Variants in DCHS1 observed in about 807,000 individuals in gnomAD.
The protein encoded by DCHS1 is dachsous cadherin-related 1, also known as protocadherin-16.
A neutral mutation model predicts 213.9 loss-of-function variants in DCHS1; 78 were observed. The observed-to-expected ratio is 0.36, with a 90% confidence interval of 0.30 to 0.44. The LOEUF (loss-of-function observed/expected upper bound fraction) is 0.44, where lower values mean the gene tolerates loss of function less well. Ranked by LOEUF, DCHS1 falls within the 20% of genes least tolerant of loss-of-function variation. DCHS1 has a pLI of 1.00. For missense variants in DCHS1, 3,946 were observed against 4,395.9 expected (o/e 0.90, Z 2.89); for synonymous variants, 1,828 against 1,873.7 (o/e 0.98, Z 0.63).
intron 1 of DCHS1, among the ~76,000 whole-genome samples, chr11:6,651,293 C>A (rs1382275969): frequency 6.6e-6 from 1 of 152,046 alleles, no homozygotes; most frequent in African/African-American, 2.4e-5. Flanking sequence ...GCCTTTCAGG[C>A]AGGCAGAGCA....
intron 1 of DCHS1, among the ~76,000 whole-genome samples, chr11:6,647,830 G>A (rs1200947932): frequency 2.0e-5 from 3 of 152,204 alleles, no homozygotes; most frequent in Non-Finnish European, 2.9e-5. Flanking sequence ...CAGGGCAAGG[G>A]AGGCCTGAAA....
At position 6,623,365 on chromosome 11, in the gene DCHS1, C is replaced by T. The variant is rs1855737594; in HGVS notation, c.8311G>A (p.Val2771Met). The stretch of plus-strand genomic sequence containing the variant: ...TCTGTGTGCTCATAGTCAAAGGGCA[C>T]TCGCGCACGCAACTCCCCTGTTGAG... ...NSSTGELRAR[V>M]PFDYEHTESF... is the part of the protein sequence containing the mutation. Residue 2771 changes from valine to methionine, a missense_variant, in exon 21 of 21, where the codon GTG becomes ATG. Transcript: ENST00000299441. 1.9e-6 allele frequency: 3 copies of T among 1,597,494 alleles called. No homozygotes were observed. Among genetic ancestry groups the T allele is most frequent in the Admixed American group, 1.7e-5 (1 of 57,734 alleles).
Position 6,633,582 on chromosome 11 carries a change from G to A in DCHS1, c.2285C>T (p.Ala762Val). Residue 762 changes from alanine (A) to valine (V), a missense_variant, in exon 5 of 21, where the codon GCT becomes GTT. Transcript: ENST00000299441. ...TGCCTGTAGGCCACCTCCGTCCTCA[G>A]CCCCGATCTCCAGCTGCACCACAGA... The part of the protein sequence containing the change: ...ANSVVQLEIG[A>V]EDGGGLQAEP... 6.3e-7 allele frequency: 1 copy of A among 1,595,152 alleles called. No individual in the cohort carries two copies. The highest frequency in any genetic ancestry group is 1.1e-5 in the South Asian group (1 of 88,226).
chr11:6,633,014 G>C lies in DCHS1; in HGVS notation c.2498C>G (p.Pro833Arg). ...CGCATCTAGGGAGAAGAGTCCTCGG[G>C]GATCCCCACCTGATAGGGAAAGGGT... ...PVTLSLSGGD[P>R]RGLFSLDAVS... The change falls in exon 6 of 21, where the codon CCC (proline) becomes CGC (arginine). Residue 833 changes from proline (P) to arginine (R), a missense_variant. This residue lies in a region of DCHS1 where 3,384 missense variants were observed against 3,780.1 expected (regional missense o/e 0.90). Coordinates refer to ENST00000299441, the MANE Select transcript of DCHS1 (RefSeq NM_003737.4). 1.2e-6 allele frequency: 2 copies of C among 1,611,726 alleles called. No homozygotes were observed. Among genetic ancestry groups the C allele is most frequent in the Non-Finnish European group, 1.7e-6 (2 of 1,178,072 alleles).
intron 12 of DCHS1, among the ~76,000 whole-genome samples, 195 bp from the exon 13 acceptor site, chr11:6,629,025 G>A (rs776856295): frequency 2.0e-5 from 3 of 152,204 alleles, no homozygotes; most frequent in Admixed American, 6.5e-5. Flanking sequence ...GTGCATGCAA[G>A]ATATATCTTG....
At chr11:6,655,436 C>G (rs1309570190) in intron 1 of DCHS1, 127 bp downstream of exon 1, 1 of 576,726 alleles carries the variant, frequency 1.7e-6, no homozygotes, top group Non-Finnish European at 2.2e-6. Context: ...CAGGCCCAGG[C>G]CCCCCCTCCC....
chr11:6,631,764 C>A lies in DCHS1; in HGVS notation c.3527G>T (p.Ser1176Ile). The A allele has an allele frequency of 1.9e-6, 3 of 1,583,698 alleles. No individual in the cohort carries two copies. Among genetic ancestry groups the A allele is most frequent in the Non-Finnish European group, 1.7e-6 (2 of 1,165,810 alleles). ...LQTLDREQQS[S>I]YQLLVQVQDG... ...CTGCACCTGCACCAGGAGCTGATAG[C>A]TGCTCTGCTGCTCACGGTCCAGGGT... The change falls in exon 7 of 21, where the codon AGC becomes ATC. Residue 1176 changes from serine (S) to isoleucine (I), a missense_variant. Physicochemically the swap from Ser to Ile is moderately radical, Grantham distance 142 (BLOSUM62 -2). This residue lies in a region of DCHS1 where 3,384 missense variants were observed against 3,780.1 expected (regional missense o/e 0.90). Coordinates refer to ENST00000299441, the MANE Select transcript of DCHS1 (RefSeq NM_003737.4).
Position 6,640,110 on chromosome 11 carries a change from G to C in DCHS1, c.1504C>G (p.Gln502Glu), listed in dbSNP as rs142632567. 7.6e-5 allele frequency: 123 copies of C among 1,613,670 alleles called. No individual in the cohort carries two copies. The African/African-American group carries it at 1.4e-3, about 18-fold the overall frequency. Reference sequence around the variant, plus strand: ...TAAGTGACCTGACCATTGGTGCCTTGGTCAGGATCCCGAGCAGTCACCCGC... The same window carrying C: ...TAAGTGACCTGACCATTGGTGCCTTCGTCAGGATCCCGAGCAGTCACCCGC... ...VVRVTARDPDQGTNGQVTYSL... is the reference protein window; with the variant it reads ...VVRVTARDPDEGTNGQVTYSL... Residue 502 changes from glutamine to glutamate, a missense_variant, in exon 2 of 21, where the codon CAA becomes GAA. By Grantham distance (29) the Gln-to-Glu change is conservative. Coordinates refer to ENST00000299441, the MANE Select transcript of DCHS1 (RefSeq NM_003737.4). The surrounding 1 kb of genome is among the most constrained non-coding windows in gnomAD (Gnocchi z 6.5).
In DCHS1 at chr11:6,627,195, G is replaced by C. The variant is rs768802065; in HGVS notation, c.5844C>G (p.Ile1948Met). 5 of 1,613,018 alleles carry C rather than the reference G, an allele frequency of 3.1e-6. No individual in the cohort carries two copies. Among genetic ancestry groups the C allele is most frequent in the Non-Finnish European group, 4.2e-6 (5 of 1,179,804 alleles). Residue 1948 changes from isoleucine to methionine, a missense_variant, in exon 14 of 21, where the codon ATC becomes ATG. Physicochemically the swap from Ile to Met is conservative, Grantham distance 10. Around this residue, in one of 3 missense-constraint regions of DCHS1, gnomAD observed 3,384 missense variants for 3,780.1 expected, o/e 0.90. Transcript: ENST00000299441. The surrounding 1 kb of genome is among the most constrained non-coding windows in gnomAD (Gnocchi z 5.4). Reference protein sequence around the residue: ...GPLSTTVSVTITVRDVNDHAP... With the variant: ...GPLSTTVSVTMTVRDVNDHAP... ...CATGGTCATTGACATCGCGCACCGT[G>C]ATGGTGACAGACACTGTGGTGCTTA... is the stretch of plus-strand genomic sequence containing the variant.
At position 6,632,650 on chromosome 11, in the gene DCHS1, C is replaced by T. The variant is rs775844204; in HGVS notation, c.2862G>A (p.Arg954=). The T allele has an allele frequency of 1.3e-6, 2 of 1,562,902 alleles. No individual in the cohort carries two copies. Among genetic ancestry groups the T allele is most frequent in the Non-Finnish European group, 1.7e-6 (2 of 1,152,180 alleles). Residue 954 remains arginine (R), a synonymous_variant, in exon 6 of 21, where the codon AGG becomes AGA. Transcript: ENST00000299441. The surrounding 1 kb of genome is among the most constrained non-coding windows in gnomAD (Gnocchi z 5.9). ...DPTTGHVRLM[R]PLGPSGGPAH... ...CTGGCCCTCCTGAGGGCCCCAGAGG[C>T]CTCATAAGCCGTACATGGCCTGTGG...
intron 19 of DCHS1, 43 bp from the exon 20 acceptor site, chr11:6,624,911 G>T: frequency 6.2e-7 from 1 of 1,609,590 alleles, no homozygotes; most frequent in Non-Finnish European, 8.5e-7. Flanking sequence ...CTTCCCATTT[G>T]CCCTGCTGTC....
At position 6,633,601 on chromosome 11, in the gene DCHS1, C is replaced by T; in HGVS notation, c.2266G>A (p.Val756Met). The change falls in exon 5 of 21, where the codon GTG becomes ATG. Residue 756 changes from valine to methionine, a missense_variant. Val to Met is a conservative substitution (Grantham distance 21). Coordinates refer to ENST00000299441, the MANE Select transcript of DCHS1 (RefSeq NM_003737.4). Reference protein sequence around the residue: ...WPLARRANSVVQLEIGAEDGG... With the variant: ...WPLARRANSVMQLEIGAEDGG... ...TCCTCAGCCCCGATCTCCAGCTGCA[C>T]CACAGAATTGGCCCGTCTGGCCAAG... 1 of 1,599,132 alleles carries T rather than the reference C, an allele frequency of 6.3e-7. No individual in the cohort carries two copies. The highest frequency in any genetic ancestry group is 1.3e-5 in the African/African-American group (1 of 74,610).
chr11:6,627,788 G>A lies in DCHS1; in HGVS notation c.5372-121C>T. 9.0e-7 allele frequency: 1 copy of A among 1,106,472 alleles called. No individual in the cohort carries two copies. Among genetic ancestry groups the A allele is most frequent in the Non-Finnish European group, 1.3e-6 (1 of 799,544 alleles). 68.5% of individuals were successfully genotyped at this position (1,106,472 alleles called of 1,614,324 possible). A position where few individuals can be genotyped will look rare whatever the true frequency, so the allele number is the denominator to read the frequency against. On this transcript the variant is annotated intron_variant, in intron 13 of 20. Coordinates refer to ENST00000299441, the MANE Select transcript of DCHS1 (RefSeq NM_003737.4). The surrounding 1 kb of genome is among the most constrained non-coding windows in gnomAD (Gnocchi z 5.4). ...AAGTGAACCTTATGAGAGAAAGGAAGAAAAACAGAAACAGAAAGTAAAAGA... is the reference window on the plus strand; with the variant it reads ...AAGTGAACCTTATGAGAGAAAGGAAAAAAAACAGAAACAGAAAGTAAAAGA...
At position 6,627,136 on chromosome 11, in the gene DCHS1, C is replaced by T. The variant is rs747121973; in HGVS notation, c.5903G>A (p.Arg1968His). 1.1e-5 allele frequency: 17 copies of T among 1,612,390 alleles called. No individual in the cohort carries two copies. Among genetic ancestry groups the T allele is most frequent in the Admixed American group, 1.0e-4 (6 of 59,992 alleles). Residue 1968 changes from arginine to histidine, a missense_variant, in exon 14 of 21, where the codon CGT (arginine) becomes CAT (histidine). Transcript: ENST00000299441. This position sits in a 1 kb window ranked among gnomAD's most constrained non-coding sequence, Gnocchi z 5.4. ...PTFPTSPLRLRLPRPGPSFST... is the reference protein window; with the variant it reads ...PTFPTSPLRLHLPRPGPSFST... ...GAAGCTGGGGCCTGGGCGGGGCAGACGTAGGCGCAGAGGACTGGTGGGGAA... is the reference window on the plus strand; with the variant it reads ...GAAGCTGGGGCCTGGGCGGGGCAGATGTAGGCGCAGAGGACTGGTGGGGAA...
Position 6,640,686 on chromosome 11 carries a change from G to A in DCHS1, c.928C>T (p.His310Tyr), listed in dbSNP as rs771691618. The change falls in exon 2 of 21, where the codon CAC becomes TAC. Residue 310 changes from histidine to tyrosine, a missense_variant. This residue lies in a region of DCHS1 where 3,384 missense variants were observed against 3,780.1 expected (regional missense o/e 0.90). Transcript: ENST00000299441. This position sits in a 1 kb window ranked among gnomAD's most constrained non-coding sequence, Gnocchi z 6.5. ...EGDGPFSIDA[H>Y]TGLLQLERPL... is the part of the protein sequence containing the mutation. ...CGCTCTAACTGCAGCAGCCCCGTGT[G>A]TGCGTCGATGGAGAAGGGTCCATCA... 1.9e-6 allele frequency: 3 copies of A among 1,613,458 alleles called. No homozygotes were observed. The South Asian group carries it at 3.3e-5, about 18-fold the overall frequency.
Position 6,627,270 on chromosome 11 carries a change from G to A in DCHS1, c.5769C>T (p.Pro1923=). The A allele has an allele frequency of 1.2e-6, 2 of 1,613,338 alleles. No individual in the cohort carries two copies. The highest frequency in any genetic ancestry group is 1.1e-5 in the South Asian group (1 of 91,050). ...TAAALDREQC[P]SYTFSVSAVD... ...CTGCACTCACAGAAAAGGTGTAGCT[G>A]GGACACTGTTCTCTGTCCAAGGCTG... Residue 1923 remains proline, a synonymous_variant, in exon 14 of 21, where the codon CCC becomes CCT. Transcript: ENST00000299441. The surrounding 1 kb of genome is among the most constrained non-coding windows in gnomAD (Gnocchi z 5.4).
rs530939498 is a variant in DCHS1, at chr11:6,621,877, C to T, written c.9799G>A (p.Val3267Ile). ...TGGGCCACCCCAAATGGTGAGACAA[C>T]GGGTGAGCGAGCAGCCAGAGGAGAC... is the stretch of plus-strand genomic sequence containing the variant. The part of the protein sequence containing the change: ...SLSPLAARSP[V>I]VSPFGVAQGP... Residue 3267 changes from valine (V) to isoleucine (I), a missense_variant, in exon 21 of 21, where the codon GTT (valine) becomes ATT (isoleucine). By Grantham distance (29) the Val-to-Ile change is conservative (BLOSUM62 3). Transcript: ENST00000299441. 2.5e-5 allele frequency: 41 copies of T among 1,611,960 alleles called. No individual in the cohort carries two copies. Among genetic ancestry groups the T allele is most frequent in the African/African-American group, 2.0e-4 (15 of 75,032 alleles).
chr11:6,655,422 C>T (rs1749701267), intron 1 of DCHS1, 141 bp downstream of exon 1: 2 of 433,296 alleles, frequency 4.6e-6, no homozygotes, highest in Non-Finnish European at 6.1e-6. Context: ...CCGCCCGGGT[C>T]CCGCAGGCCC....
In DCHS1 at chr11:6,626,848, C is replaced by G; in HGVS notation, c.6191G>C (p.Arg2064Pro). The change falls in exon 14 of 21, where the codon CGT becomes CCT. Residue 2064 changes from arginine (R) to proline (P), a missense_variant. Arg to Pro is a moderately radical substitution (Grantham distance 103). This residue lies in a region of DCHS1 where 3,384 missense variants were observed against 3,780.1 expected (regional missense o/e 0.90). Transcript: ENST00000299441. The surrounding 1 kb of genome is among the most constrained non-coding windows in gnomAD (Gnocchi z 5.2). Reference protein sequence around the residue: ...IIVGLQGEAERGPRFPRASSE... With the variant: ...IIVGLQGEAEPGPRFPRASSE... ...GCTAGCCCGGGGAAAGCGGGGTCCA[C>G]GCTCAGCTTCCCCCTGCAGTCCAAC... 1.2e-6 allele frequency: 2 copies of G among 1,613,378 alleles called. No individual in the cohort carries two copies. Among genetic ancestry groups the G allele is most frequent in the Middle Eastern group, 1.7e-4 (1 of 6,060 alleles).
Sources: gnomAD v4.1 joint callset for allele counts (sites outside exome capture counted in the v4.1 genomes callset) on GRCh38, gnomAD v4.1.1 for gene constraint, gnomAD v4.1.1 regional missense constraint, Gnocchi (gnomAD v3.1) non-coding constraint, MANE v1.5 for transcripts, NCBI Gene and HGNC (gene_info 2026-07-23, HGNC 2026-07-21) for gene names.